The following MMP16 variants were observed in gnomAD, a reference collection of about 807,000 sequenced individuals.
MMP16 encodes matrix metalloproteinase-16.
A neutral mutation model predicts 67.8 loss-of-function variants in MMP16; 12 were observed. The observed-to-expected ratio is 0.18, with a 90% CI of 0.11 to 0.29. The LOEUF is 0.29. Ranked by LOEUF, MMP16 falls within the 10% of genes least tolerant of loss-of-function variation. The pLI is 1.00. For missense variants in MMP16, 475 were observed against 765.7 expected (o/e 0.62, Z 4.48); for synonymous variants, 249 against 255.9 (o/e 0.97, Z 0.26).
intron 6 of MMP16, among the ~76,000 whole-genome samples, chr8:88,093,387 G>T (rs17720712): frequency 0.085 from 12,822 of 151,672 alleles, 761 homozygotes; most frequent in Middle Eastern, 0.17. Flanking sequence ...TTGGCCCATC[G>T]ATCAACCATA....
rs191017119 is a variant in MMP16, at chr8:88,250,685, T to G, written c.133-53379A>C. Among the ~76,000 whole-genome samples the G allele has an allele frequency of 1.6e-3, 238 of 152,060 alleles. 1 individual carries two copies. The highest frequency in any genetic ancestry group is 2.8e-3 in the Non-Finnish European group (187 of 67,962). On this transcript the variant is annotated intron_variant, in intron 1 of 9. Transcript: ENST00000286614. ...CATATTAAATATATATAAGTTTCAT[T>G]AAGAAACCCGAGAAATTTACCAAAG...
intron 6 of MMP16, among the ~76,000 whole-genome samples, chr8:88,088,051 T>TTATATATAGATATATAGATATCTA (rs1563527969): frequency 5.2e-5 from 2 of 38,808 alleles, no homozygotes; most frequent in African/African-American, 9.1e-5. Context: ...TAGATATCTA[T>TTATATATAGATATATAGATATCTA]TATATCTATA....
rs770671507 is a variant in MMP16 at position 88,046,642 on chromosome 8, G to A, written c.1489+27C>T. 4 of 1,434,846 alleles carry A rather than the reference G, an allele frequency of 2.8e-6. No individual in the cohort carries two copies. In the Admixed American group the frequency reaches 6.4e-5, roughly 23 times the overall value. The allele number at this position is 1,434,846 out of a possible 1,614,324, so 88.9% of individuals were successfully genotyped here. A position where few individuals can be genotyped will look rare whatever the true frequency, so the allele number is the denominator to read the frequency against. On this transcript the variant is annotated intron_variant, in intron 9 of 9. Coordinates refer to ENST00000286614, the MANE Select transcript of MMP16 (RefSeq NM_005941.5). ...TGTGTTACTAAGATAGCAAACTTAT[G>A]AAATGTAGAAAGCACATGTTGCATA...
chr8:88,051,708 G>A (rs1341064116), intron 8 of MMP16, among the ~76,000 whole-genome samples: 5 of 152,118 alleles, frequency 3.3e-5, no homozygotes, highest in Admixed American at 2.0e-4. Context: ...TGTTAGTGAC[G>A]ATAATAATTA....
chr8:88,136,442 T>C (rs1227977755), intron 4 of MMP16, among the ~76,000 whole-genome samples: 3 of 151,824 alleles, frequency 2.0e-5, no homozygotes, highest in Non-Finnish European at 4.4e-5. Flanking sequence ...ACAGGTCAGT[T>C]GATCATCATA....
At chr8:88,188,868 T>G (rs1915013) in intron 2 of MMP16, among the ~76,000 whole-genome samples, 2 of 151,976 alleles carry the variant, frequency 1.3e-5, no homozygotes, top group African/African-American at 4.8e-5. Context: ...TTGGTCAGGC[T>G]GGTCTCAAAC....
At chr8:88,299,877 C>T (rs1811070706) in intron 1 of MMP16, among the ~76,000 whole-genome samples, 2 of 152,194 alleles carry the variant, frequency 1.3e-5, no homozygotes, top group Admixed American at 6.5e-5. Flanking sequence ...TAATTTCATG[C>T]CTACATCCCA....
At chr8:88,195,288 T>C (rs532914315) in intron 2 of MMP16, among the ~76,000 whole-genome samples, 5 of 152,314 alleles carry the variant, frequency 3.3e-5, no homozygotes, top group African/African-American at 7.2e-5. Flanking sequence ...GACTCCACTT[T>C]CTTAAATTTA....
chr8:88,260,524 G>A (rs559334656), intron 1 of MMP16, among the ~76,000 whole-genome samples: 48 of 151,958 alleles, frequency 3.2e-4, no homozygotes, highest in South Asian at 1.5e-3. Flanking sequence ...AGCCCTAACT[G>A]AGCATTCATG....
At chr8:88,165,979 G>GA (rs1489676248) in intron 4 of MMP16, among the ~76,000 whole-genome samples, 6 of 151,910 alleles carry the variant, frequency 3.9e-5, no homozygotes, top group Non-Finnish European at 5.9e-5. Flanking sequence ...ATAACCATTT[G>GA]AAAAAATCAC....
At chr8:88,114,594 A>G (rs1228625461) in intron 6 of MMP16, among the ~76,000 whole-genome samples, 1 of 152,054 alleles carries the variant, frequency 6.6e-6, no homozygotes, top group Non-Finnish European at 1.5e-5. Context: ...AAAAACAAAA[A>G]GTATGAAATT....
intron 1 of MMP16, among the ~76,000 whole-genome samples, chr8:88,239,262 T>C (rs1586220923): frequency 7.8e-6 from 1 of 127,848 alleles, no homozygotes; most frequent in Admixed American, 9.7e-5. Context: ...GCCATTGCAC[T>C]CTAGCCTGGG....
intron 1 of MMP16, among the ~76,000 whole-genome samples, chr8:88,261,822 G>A (rs1338498294): frequency 6.7e-6 from 1 of 150,082 alleles, no homozygotes. Flanking sequence ...GATGGAAGAG[G>A]ATAACATTTA....
At chr8:88,080,890 A>G (rs1808738451) in intron 6 of MMP16, among the ~76,000 whole-genome samples, 1 of 152,098 alleles carries the variant, frequency 6.6e-6, no homozygotes, top group East Asian at 1.9e-4. Flanking sequence ...ATAAGGAGGA[A>G]CGTGATTTAT....
intron 4 of MMP16, among the ~76,000 whole-genome samples, chr8:88,143,353 C>A (rs1808242327): frequency 6.6e-6 from 1 of 152,092 alleles, no homozygotes; most frequent in African/African-American, 2.4e-5. Flanking sequence ...CCAATGCTTT[C>A]TCAAAGACTC....
intron 7 of MMP16, among the ~76,000 whole-genome samples, chr8:88,070,137 C>G (rs1040662911): frequency 5.3e-5 from 8 of 152,022 alleles, no homozygotes; most frequent in Non-Finnish European, 1.2e-4. Context: ...CAGTGTTGAA[C>G]AGACCTGATA....
chr8:88,261,290 A>G (rs1810384563), intron 1 of MMP16, among the ~76,000 whole-genome samples: 1 of 152,106 alleles, frequency 6.6e-6, no homozygotes, highest in African/African-American at 2.4e-5. Context: ...GAGATTATAA[A>G]ACATTTAGGA....
At chr8:88,325,800 A>G (rs1474413084) in intron 1 of MMP16, among the ~76,000 whole-genome samples, 1 of 152,194 alleles carries the variant, frequency 6.6e-6, no homozygotes, top group Non-Finnish European at 1.5e-5. Flanking sequence ...ACTCTTGATA[A>G]TAGCTCTTAC....
At chr8:88,316,024 A>G (rs1811370371) in intron 1 of MMP16, among the ~76,000 whole-genome samples, 1 of 152,216 alleles carries the variant, frequency 6.6e-6, no homozygotes, top group Non-Finnish European at 1.5e-5. Flanking sequence ...CCCTTAAGCC[A>G]AAGCCTAATC....
Sources: gnomAD v4.1 joint callset for allele counts (sites outside exome capture counted in the v4.1 genomes callset) on GRCh38, gnomAD v4.1.1 for gene constraint, MANE v1.5 for transcripts, NCBI Gene and HGNC (gene_info 2026-07-23, HGNC 2026-07-21) for gene names.